Variants in PRKCA observed in about 807,000 individuals in gnomAD.
PRKCA encodes the protein protein kinase C alpha type.
Under a neutral mutation model 87.0 loss-of-function variants are expected in PRKCA, and 27 were observed. That is an observed-to-expected ratio of 0.31 (90% CI 0.23 to 0.43). The LOEUF is 0.43. Ranked by LOEUF, PRKCA falls within the 20% of genes least tolerant of loss-of-function variation. The pLI is 1.00. For synonymous variants in PRKCA, 329 were observed against 311.1 expected, an observed-to-expected ratio of 1.06 and a Z score of -0.61; for missense variants, 518 against 852.3, an observed-to-expected ratio of 0.61 and a Z score of 4.88.
intron 3 of PRKCA, among the ~76,000 whole-genome samples, chr17:66,578,025 G>A (rs574218714): frequency 5.9e-5 from 9 of 151,936 alleles, no homozygotes; most frequent in African/African-American, 2.2e-4. Flanking sequence ...CCTCCACCCC[G>A]TGAGCTCTTT....
intron 13 of PRKCA, among the ~76,000 whole-genome samples, chr17:66,773,005 T>C (rs914752048): frequency 6.6e-6 from 1 of 152,200 alleles, no homozygotes. Flanking sequence ...ATAGTATTAT[T>C]ACTTTTTAAG....
intron 11 of PRKCA, among the ~76,000 whole-genome samples, chr17:66,740,224 G>A (rs1297594932): frequency 2.0e-5 from 3 of 151,954 alleles, no homozygotes; most frequent in African/African-American, 7.3e-5. Context: ...TGCGGGAGTC[G>A]GCAGCACAGG....
At chr17:66,532,611 G>A (rs72843682) in intron 3 of PRKCA, among the ~76,000 whole-genome samples, 21,131 of 151,892 alleles carry the variant, frequency 0.14, 1,759 homozygotes, top group East Asian at 0.28. Context: ...CGCCCACCTC[G>A]GCCTCCCAGA....
chr17:66,719,967 C>T (rs764213553), intron 8 of PRKCA, among the ~76,000 whole-genome samples: 2 of 152,238 alleles, frequency 1.3e-5, no homozygotes, highest in Non-Finnish European at 2.9e-5. Flanking sequence ...ATACTCTACT[C>T]ATTGCTTCTG....
Position 66,738,828 on chromosome 17 carries a change from T to C in PRKCA, c.1295T>C (p.Val432Ala). Residue 432 changes from valine to alanine, a missense_variant, in exon 11 of 17, where the codon GTA (valine) becomes GCA (alanine). By Grantham distance (64) the Val-to-Ala change is moderately conservative (BLOSUM62 0). This residue lies in a region of PRKCA where 300 missense variants were observed against 496.8 expected (regional missense o/e 0.60). Transcript: ENST00000413366. ...GACCTCATGTACCACATTCAGCAAG[T>C]AGGAAAATTTAAGGAACCACAAGCA... The part of the protein sequence containing the change: ...GGDLMYHIQQ[V>A]GKFKEPQAVF... 6.2e-7 allele frequency: 1 copy of C among 1,613,776 alleles called. No individual in the cohort carries two copies. Among genetic ancestry groups the C allele is most frequent in the Non-Finnish European group, 8.5e-7 (1 of 1,179,818 alleles).
At chr17:66,584,624 G>T (rs945749238) in intron 3 of PRKCA, among the ~76,000 whole-genome samples, 4 of 152,162 alleles carry the variant, frequency 2.6e-5, no homozygotes, top group South Asian at 2.1e-4. Context: ...TCCCTCCAAA[G>T]TCTCAGGGGA....
Position 66,736,491 on chromosome 17 carries a change from C to T in PRKCA, c.1230+829C>T, listed in dbSNP as rs534695000. 8.7e-4 allele frequency among the ~76,000 whole-genome samples: 132 copies of T among 151,772 alleles called. 1 individual carries two copies. Among genetic ancestry groups the T allele is most frequent in the African/African-American group, 2.6e-3 (108 of 41,392 alleles). On this transcript the variant is annotated intron_variant, in intron 10 of 16. Coordinates refer to ENST00000413366, the MANE Select transcript of PRKCA (RefSeq NM_002737.3). ...TGGGGTTTCACCATGTTGGCCAGGC[C>T]GGTCTTGAACTTCTGACCTCAGGTG...
rs534215474 is a variant in PRKCA at position 66,804,168 on chromosome 17, G to A, written c.*131G>A. 42 of 1,264,394 alleles carry A rather than the reference G, an allele frequency of 3.3e-5. No homozygotes were observed. Among genetic ancestry groups the A allele is most frequent in the Non-Finnish European group, 4.2e-5 (39 of 937,250 alleles). The allele number at this position is 1,264,394 out of a possible 1,614,324, so 78.3% of individuals were successfully genotyped here. ...CATATGGAGGCCTGAAAATTGTAGG[G>A]TTATTAGTCCAAATGTGATCAACTG... is the stretch of plus-strand genomic sequence containing the variant. On this transcript the variant is annotated 3_prime_UTR_variant, in exon 17 of 17. Transcript: ENST00000413366.
At chr17:66,576,332 C>T (rs1969236548) in intron 3 of PRKCA, among the ~76,000 whole-genome samples, 1 of 152,134 alleles carries the variant, frequency 6.6e-6, no homozygotes, top group African/African-American at 2.4e-5. Context: ...TACCAGCTTC[C>T]ATGGTGCCTG....
chr17:66,552,191 G>A (rs1339304242), intron 3 of PRKCA, among the ~76,000 whole-genome samples: 1 of 152,104 alleles, frequency 6.6e-6, no homozygotes, highest in Non-Finnish European at 1.5e-5. Flanking sequence ...CCAATGAGTC[G>A]GGAGGTTGAG....
chr17:66,481,524 G>A (rs1236551703), intron 2 of PRKCA, among the ~76,000 whole-genome samples: 1 of 152,096 alleles, frequency 6.6e-6, no homozygotes, highest in African/African-American at 2.4e-5. Context: ...GTTGGATGTC[G>A]GGGCTCCTGC....
intron 2 of PRKCA, among the ~76,000 whole-genome samples, chr17:66,312,670 C>G (rs1905137930): frequency 6.6e-6 from 1 of 150,446 alleles, no homozygotes; most frequent in African/African-American, 2.4e-5. Context: ...AAGTCTTAGT[C>G]TAAGGTTTAG....
chr17:66,420,802 G>T (rs1161763603), intron 2 of PRKCA, among the ~76,000 whole-genome samples: 2 of 152,156 alleles, frequency 1.3e-5, no homozygotes, highest in Admixed American at 6.5e-5. Context: ...ACCAGTTTTG[G>T]ACTAAGAAGA....
intron 2 of PRKCA, among the ~76,000 whole-genome samples, chr17:66,384,852 A>G (rs1040501520): frequency 2.6e-5 from 4 of 151,872 alleles, no homozygotes; most frequent in East Asian, 1.9e-4. Flanking sequence ...GGATGGTCTC[A>G]ATCTCCTGAC....
At chr17:66,407,362 G>C (rs1911477446) in intron 2 of PRKCA, among the ~76,000 whole-genome samples, 1 of 152,036 alleles carries the variant, frequency 6.6e-6, no homozygotes, top group African/African-American at 2.4e-5. Context: ...TTAAAAGTGT[G>C]TAGAATCTTC....
chr17:66,798,362 T>C (rs914031636), intron 16 of PRKCA, among the ~76,000 whole-genome samples: 1 of 127,198 alleles, frequency 7.9e-6, no homozygotes, highest in Admixed American at 8.2e-5. Flanking sequence ...TGGTTTTCCT[T>C]ATCTTTTTCA....
chr17:66,802,372 C>T (rs1025284762), intron 16 of PRKCA, among the ~76,000 whole-genome samples: 6 of 151,994 alleles, frequency 3.9e-5, no homozygotes, highest in African/African-American at 1.5e-4. Context: ...ATGAAAGTAG[C>T]TTCGTCGCTG....
At chr17:66,661,033 G>C (rs1971885519) in intron 5 of PRKCA, among the ~76,000 whole-genome samples, 2 of 152,196 alleles carry the variant, frequency 1.3e-5, no homozygotes, top group African/African-American at 4.8e-5. Context: ...GGAGCCATAA[G>C]AATACTGAGA....
rs1305926229 is a variant in PRKCA, at chr17:66,805,549, A to G, written c.*1512A>G. On this transcript the variant is annotated 3_prime_UTR_variant, in exon 17 of 17. Transcript: ENST00000413366. ...CAAAAATGAATGGCTAGTTTACGTG[A>G]TAGATTAGGCTCTTACTACATATGT... 5 of 152,354 alleles carry G rather than the reference A, an allele frequency of 3.3e-5. No homozygotes were observed. The highest frequency in any genetic ancestry group is 9.6e-5 in the African/African-American group (4 of 41,458). The allele number at this position is 152,354 out of a possible 1,614,324, so 9.4% of individuals were successfully genotyped here.
Sources: allele counts gnomAD v4.1 joint callset (sites outside exome capture counted in the v4.1 genomes callset), GRCh38; gene constraint gnomAD v4.1.1; regional missense constraint gnomAD v4.1.1; transcripts MANE v1.5; gene names NCBI Gene and HGNC (gene_info 2026-07-23, HGNC 2026-07-21).